CEP112: variants seen among roughly 807,000 people sequenced by gnomAD.
CEP112 encodes the protein centrosomal protein 112.
A neutral mutation model predicts 153.0 loss-of-function variants in CEP112; 127 were observed. The observed-to-expected ratio is 0.83, with a 90% CI of 0.72 to 0.96. The LOEUF (loss-of-function observed/expected upper bound fraction) is 0.96, where lower values mean the gene tolerates loss of function less well. CEP112 is among the 40% of genes least tolerant of loss of function. The pLI, the probability that CEP112 is intolerant of heterozygous loss-of-function variation, is 0.00. For missense variants in CEP112, 1,089 were observed against 1,101.2 expected (o/e 0.99, Z 0.16); for synonymous variants, 358 against 374.4 (o/e 0.96, Z 0.51).
chr17:65,813,383 G>A (rs570470262), intron 21 of CEP112, among the ~76,000 whole-genome samples: 20 of 152,176 alleles, frequency 1.3e-4, no homozygotes, highest in East Asian at 3.8e-4. Flanking sequence ...TCAGAGCCTC[G>A]TTGGGAAATG....
chr17:66,185,220 G>T (rs1409728515), intron 1 of CEP112, among the ~76,000 whole-genome samples: 4 of 152,092 alleles, frequency 2.6e-5, no homozygotes, highest in Non-Finnish European at 5.9e-5. Flanking sequence ...CTGTATATAA[G>T]TTAAAAAAAA....
At chr17:65,646,829 G>T (rs2045458833) in intron 24 of CEP112, among the ~76,000 whole-genome samples, 1 of 152,206 alleles carries the variant, frequency 6.6e-6, no homozygotes, top group South Asian at 2.1e-4. Context: ...AGGGGATGGG[G>T]CGTTGAACTG....
chr17:65,950,359 T>C (rs997221670), intron 18 of CEP112, among the ~76,000 whole-genome samples: 3 of 152,190 alleles, frequency 2.0e-5, no homozygotes, highest in African/African-American at 4.8e-5. Context: ...TTCTAATCCA[T>C]AAACAAAGAA....
chr17:65,850,410 C>T (rs1275456067), intron 21 of CEP112, among the ~76,000 whole-genome samples: 4 of 152,092 alleles, frequency 2.6e-5, no homozygotes, highest in Admixed American at 2.0e-4. Context: ...TTCCCACCCC[C>T]CAGCATATTC....
intron 18 of CEP112, among the ~76,000 whole-genome samples, chr17:65,957,360 T>C (rs1220105214): frequency 6.6e-6 from 1 of 152,218 alleles, no homozygotes; most frequent in Non-Finnish European, 1.5e-5. Flanking sequence ...TATGAAAACA[T>C]CCCATGACTA....
At chr17:65,786,648 G>A (rs2054293188) in intron 21 of CEP112, among the ~76,000 whole-genome samples, 1 of 147,212 alleles carries the variant, frequency 6.8e-6, no homozygotes, top group African/African-American at 2.5e-5. Flanking sequence ...ATGCTGTGGT[G>A]CAATCACAGC....
rs1555734627 is a variant in CEP112, at chr17:65,965,518, C to CCTTTTTTTTTTTTTTTTTTTTTT, written c.1737-3921_1737-3920insAAAAAAAAAAAAAAAAAAAAAAG. Among the ~76,000 whole-genome samples, 4 of 122,090 alleles carry CCTTTTTTTTTTTTTTTTTTTTTT rather than the reference C, an allele frequency of 3.3e-5. 2 individuals carry two copies. The highest frequency in any genetic ancestry group is 3.3e-5 in the Non-Finnish European group (2 of 59,984). 80.1% of individuals were successfully genotyped at this position (122,090 alleles called of 152,430 possible). On this transcript the variant is annotated intron_variant, in intron 17 of 26. Coordinates refer to ENST00000535342, the MANE Select transcript of CEP112 (RefSeq NM_001199165.4). The stretch of plus-strand genomic sequence containing the variant: ...CTAATATTTAGAAACCTTCTGCCCC[C>CCTTTTTTTTTTTTTTTTTTTTTT]TTTTTTTTTTTTTTTTTTCTTTGAG...
chr17:65,641,907 A>C (rs537933143), intron 24 of CEP112, among the ~76,000 whole-genome samples: 1 of 152,284 alleles, frequency 6.6e-6, no homozygotes, highest in East Asian at 1.9e-4. Context: ...GGGCATAGGA[A>C]GGTTCCTGGT....
intron 21 of CEP112, among the ~76,000 whole-genome samples, chr17:65,822,176 T>G (rs1255180817): frequency 6.6e-6 from 1 of 151,992 alleles, no homozygotes; most frequent in Non-Finnish European, 1.5e-5. Flanking sequence ...GGATGAAGAA[T>G]AATTTGTATC....
chr17:65,968,445 C>A (rs1176023909), intron 17 of CEP112, among the ~76,000 whole-genome samples: 2 of 152,118 alleles, frequency 1.3e-5, no homozygotes, highest in Admixed American at 6.5e-5. Context: ...TAATATTTAT[C>A]ATGTGACAGA....
chr17:65,816,463 C>T (rs1169518401), intron 21 of CEP112, among the ~76,000 whole-genome samples: 2 of 151,806 alleles, frequency 1.3e-5, no homozygotes, highest in African/African-American at 4.8e-5. Context: ...TCCTGAGTCC[C>T]CAAAGTCTTT....
intron 18 of CEP112, among the ~76,000 whole-genome samples, chr17:65,938,415 A>C (rs36028174): frequency 1.5e-5 from 2 of 133,136 alleles, no homozygotes; most frequent in South Asian, 2.5e-4. Context: ...AATGATCAAT[A>C]AAAAAAAAAA....
At chr17:65,790,448 G>A (rs1360476264) in intron 21 of CEP112, among the ~76,000 whole-genome samples, 1 of 152,110 alleles carries the variant, frequency 6.6e-6, no homozygotes, top group Non-Finnish European at 1.5e-5. Context: ...GGCCCAGCAG[G>A]TGCTGAATGT....
intron 21 of CEP112, among the ~76,000 whole-genome samples, chr17:65,792,271 CCTT>C (rs1243829885): frequency 6.6e-6 from 1 of 152,118 alleles, no homozygotes; most frequent in African/African-American, 2.4e-5. Context: ...AAGAAAAAAA[CCTT>C]CTGGCACCAA....
intron 25 of CEP112, among the ~76,000 whole-genome samples, chr17:65,638,756 A>G (rs1240587606): frequency 1.3e-5 from 2 of 152,176 alleles, no homozygotes; most frequent in Non-Finnish European, 2.9e-5. Context: ...TCCTGCGTGC[A>G]GCTGCCAACT....
intron 21 of CEP112, among the ~76,000 whole-genome samples, chr17:65,776,735 A>C (rs1373878213): frequency 6.6e-6 from 1 of 152,042 alleles, no homozygotes; most frequent in African/African-American, 2.4e-5. Flanking sequence ...AATCCCAGAA[A>C]GTGAAATGAC....
intron 24 of CEP112, among the ~76,000 whole-genome samples, chr17:65,663,746 C>T (rs778788530): frequency 2.0e-5 from 3 of 152,196 alleles, no homozygotes; most frequent in African/African-American, 4.8e-5. Flanking sequence ...AGGAATCAAA[C>T]CCTGTCTTCA....
chr17:65,947,002 C>G (rs2024520), intron 18 of CEP112, among the ~76,000 whole-genome samples: 72,804 of 151,866 alleles, frequency 0.48, 18,446 homozygotes, highest in East Asian at 0.89. Context: ...CTGGTAGGTA[C>G]GAATAAAATG....
intron 17 of CEP112, among the ~76,000 whole-genome samples, chr17:65,962,079 A>T (rs1001413703): frequency 1.3e-5 from 2 of 152,202 alleles, no homozygotes; most frequent in African/African-American, 2.4e-5. Flanking sequence ...GACAGAAAGT[A>T]CCTTAGTAGT....
Sources: allele counts gnomAD v4.1 joint callset (sites outside exome capture counted in the v4.1 genomes callset), GRCh38; gene constraint gnomAD v4.1.1; transcripts MANE v1.5; gene names NCBI Gene and HGNC (gene_info 2026-07-23, HGNC 2026-07-21).